The following INPP5J variants were observed in gnomAD, a reference collection of about 807,000 sequenced individuals.
INPP5J encodes the protein phosphatidylinositol 4,5-bisphosphate 5-phosphatase A.
A neutral mutation model predicts 86.6 loss-of-function variants in INPP5J; 75 were observed. The ratio of observed to expected loss-of-function variants is 0.87; its 90% confidence interval spans 0.72 to 1.05. INPP5J has a LOEUF of 1.05. Among genes scored for constraint, INPP5J ranks in the 50% least tolerant of loss-of-function variants. The pLI, the probability that INPP5J is intolerant of heterozygous loss-of-function variation, is 0.00. For missense variants in INPP5J, 1,229 were observed against 1,341.2 expected (o/e 0.92, Z 1.31); for synonymous variants, 540 against 550.0 (o/e 0.98, Z 0.25).
chr22:31,124,757 T>G, intron 1 of INPP5J, 88 bp from the exon 2 acceptor site: 1 of 1,123,788 alleles, frequency 8.9e-7, no homozygotes, highest in South Asian at 1.6e-5. Flanking sequence ...CTTTCTTAGC[T>G]AGATGAACTC....
Position 31,128,587 on chromosome 22 carries a change from G to A in INPP5J, c.2126G>A (p.Ser709Asn). The change falls in exon 9 of 13, where the codon AGC becomes AAC. Residue 709 changes from serine to asparagine, a missense_variant. Coordinates refer to ENST00000331075, the MANE Select transcript of INPP5J (RefSeq NM_001284285.2). ...KSHRLQVTQH[S>N]YRSHMEYTVS... ...CACCGACTCCAGGTGACGCAGCACA[G>A]CTACCGCAGCCACATGGAATACACA... The A allele has an allele frequency of 6.2e-7, 1 of 1,612,844 alleles. No individual in the cohort carries two copies. The highest frequency in any genetic ancestry group is 8.5e-7 in the Non-Finnish European group (1 of 1,179,626).
At position 31,123,128 on chromosome 22, in the gene INPP5J, C is replaced by A. The variant is rs1921013953; in HGVS notation, c.105+9C>A. The A allele has an allele frequency of 1.4e-6, 2 of 1,464,910 alleles. No homozygotes were observed. Among genetic ancestry groups the A allele is most frequent in the African/African-American group, 3.0e-5 (2 of 67,290 alleles). The allele number at this position is 1,464,910 out of a possible 1,614,324, so 90.7% of individuals were successfully genotyped here. On this transcript the variant is annotated intron_variant, in intron 1 of 12. Transcript: ENST00000331075. ...CTGGGGCACCCTCCAAGGTAAGACCCCTGAGACCCAGTGCCCCCCGCTTTC... is the reference window on the plus strand; with the variant it reads ...CTGGGGCACCCTCCAAGGTAAGACCACTGAGACCCAGTGCCCCCCGCTTTC...
chr22:31,122,948 C>A (rs1042896064), upstream of INPP5J: 1 of 1,092,690 alleles, frequency 9.2e-7, no homozygotes, highest in East Asian at 3.2e-5. Flanking sequence ...GATGACATCA[C>A]TGGTTCCCGG....
In INPP5J at chr22:31,125,282, AGCCTCT is replaced by A; in HGVS notation, c.545_550del (p.Ala182_Ser183del). ...CCGTGGGACCCAAGCCAACACTGGC[AGCCTCT>A]GGCCTGAGCCTGGCCCTGGCTTCTG... is the stretch of plus-strand genomic sequence containing the variant. On this transcript the variant is annotated inframe_deletion, in exon 2 of 13. Transcript: ENST00000331075. 1 of 1,550,538 alleles carries A rather than the reference AGCCTCT, an allele frequency of 6.4e-7. No homozygotes were observed. The highest frequency in any genetic ancestry group is 8.7e-7 in the Non-Finnish European group (1 of 1,146,972).
intron 9 of INPP5J, 57 bp downstream of exon 9, chr22:31,128,711 A>T: frequency 7.1e-7 from 1 of 1,416,118 alleles, no homozygotes; most frequent in South Asian, 1.3e-5. Flanking sequence ...TCGGCATACC[A>T]CTGCCCCTCA....
At chr22:31,128,727 A>G in intron 9 of INPP5J, 73 bp downstream of exon 9, 1 of 1,319,860 alleles carries the variant, frequency 7.6e-7, no homozygotes, top group South Asian at 1.4e-5. Context: ...CCTCACCATT[A>G]CCCTTTGTAT....
rs1921673362 is a variant in INPP5J, at chr22:31,128,005, C to G, written c.1842C>G (p.His614Gln). 6.2e-7 allele frequency: 1 copy of G among 1,613,370 alleles called. No homozygotes were observed. Among genetic ancestry groups the G allele is most frequent in the African/African-American group, 1.3e-5 (1 of 74,790 alleles). Residue 614 changes from histidine to glutamine, a missense_variant, in exon 7 of 13, where the codon CAC becomes CAG. Transcript: ENST00000331075. ...LNFRIESYDL[H>Q]FVKFAIDSDQ... Reference sequence around the variant, plus strand: ...TCCGCATTGAGAGCTATGACCTGCACTTTGTCAAGTTTGCCATCGACAGTG... The same window carrying G: ...TCCGCATTGAGAGCTATGACCTGCAGTTTGTCAAGTTTGCCATCGACAGTG...
chr22:31,133,722 G>A lies in INPP5J; in HGVS notation c.2514+8G>A, dbSNP rs367634060. 3 of 1,607,664 alleles carry A rather than the reference G, an allele frequency of 1.9e-6. No individual in the cohort carries two copies. Among genetic ancestry groups the A allele is most frequent in the African/African-American group, 1.3e-5 (1 of 74,818 alleles). On this transcript the variant is annotated splice_region_variant and intron_variant, in intron 12 of 12. Transcript: ENST00000331075. Reference sequence around the variant, plus strand: ...ATCACTGAACCCTTCCAGGTAAGTAGGCCAGACTGCTGGGCTGGGGGTGCC... The same window carrying A: ...ATCACTGAACCCTTCCAGGTAAGTAAGCCAGACTGCTGGGCTGGGGGTGCC...
Position 31,125,098 on chromosome 22 carries a change from C to T in INPP5J, c.359C>T (p.Ala120Val), listed in dbSNP as rs1468600233. The T allele has an allele frequency of 1.3e-6, 2 of 1,549,800 alleles. No homozygotes were observed. The highest frequency in any genetic ancestry group is 1.7e-6 in the Non-Finnish European group (2 of 1,146,994). The change falls in exon 2 of 13, where the codon GCT (alanine) becomes GTT (valine). Residue 120 changes from alanine (A) to valine (V), a missense_variant. Ala to Val is a moderately conservative substitution (Grantham distance 64, BLOSUM62 0). Transcript: ENST00000331075. ...SVGQLVMSAS[A>V]GPKPPPATTG... The stretch of plus-strand genomic sequence containing the variant: ...GGCCAGCTGGTGATGTCTGCCTCAG[C>T]TGGACCAAAGCCTCCCCCAGCGACC...
intron 9 of INPP5J, 113 bp downstream of exon 9, chr22:31,128,767 C>A: frequency 1.1e-6 from 1 of 934,992 alleles, no homozygotes; most frequent in Non-Finnish European, 1.6e-6. Context: ...CAGCAGCATC[C>A]ATTTGTTGTA....
At chr22:31,126,095 T>A (rs1921391675) in intron 2 of INPP5J, 85 bp downstream of exon 2, 7 of 1,256,414 alleles carry the variant, frequency 5.6e-6, no homozygotes, top group South Asian at 4.6e-5. Context: ...GTGCTCTACC[T>A]CAGCTTCTCT....
rs745909028 is a variant in INPP5J at position 31,124,954 on chromosome 22, C to T, written c.215C>T (p.Ser72Leu). ...VGPRAAMSAS[S>L]EGPRLALASP... ...CCACGGGCAGCTATGTCAGCTTCCTCGGAAGGACCGAGGCTGGCTCTGGCA... is the reference window on the plus strand; with the variant it reads ...CCACGGGCAGCTATGTCAGCTTCCTTGGAAGGACCGAGGCTGGCTCTGGCA... Residue 72 changes from serine (S) to leucine (L), a missense_variant, in exon 2 of 13, where the codon TCG becomes TTG. Coordinates refer to ENST00000331075, the MANE Select transcript of INPP5J (RefSeq NM_001284285.2). The T allele has an allele frequency of 9.9e-6, 16 of 1,609,560 alleles. No homozygotes were observed. The highest frequency in any genetic ancestry group is 4.5e-5 in the East Asian group (2 of 44,674).
chr22:31,127,732 C>A, intron 6 of INPP5J, 200 bp downstream of exon 6: 1 of 682,900 alleles, frequency 1.5e-6, no homozygotes, highest in Non-Finnish European at 2.5e-6. Flanking sequence ...GCTGAGGGGC[C>A]CCGCCTTGCT....
Position 31,128,533 on chromosome 22 carries a change from G to A in INPP5J, c.2072G>A (p.Gly691Glu), listed in dbSNP as rs1171488997. The change falls in exon 9 of 13, where the codon GGG (glycine) becomes GAG (glutamate). Residue 691 changes from glycine (G) to glutamate (E), a missense_variant. Coordinates refer to ENST00000331075, the MANE Select transcript of INPP5J (RefSeq NM_001284285.2). ...RILWKVKAPG[G>E]GPSPSGRKSH... ...CTATGGAAGGTCAAGGCTCCAGGTG[G>A]GGGTCCCAGCCCCTCAGGACGGAAG... The A allele has an allele frequency of 6.2e-7, 1 of 1,613,486 alleles. No individual in the cohort carries two copies. Among genetic ancestry groups the A allele is most frequent in the Admixed American group, 1.7e-5 (1 of 60,022 alleles).
chr22:31,131,917 T>C (rs920155751), intron 9 of INPP5J, among the ~76,000 whole-genome samples: 2 of 152,108 alleles, frequency 1.3e-5, no homozygotes, highest in East Asian at 3.9e-4. Context: ...TGAAACTAGG[T>C]AAACAGGGGA....
Position 31,128,036 on chromosome 22 carries a change from C to T in INPP5J, c.1873C>T (p.Leu625Phe). The T allele has an allele frequency of 6.2e-7, 1 of 1,613,188 alleles. No homozygotes were observed. Among genetic ancestry groups the T allele is most frequent in the East Asian group, 2.2e-5 (1 of 44,866 alleles). ...CAAGTTTGCCATCGACAGTGACCAG[C>T]TCCATCAGCTCTGGGAGAAGGACCA... ...FVKFAIDSDQ[L>F]HQLWEKDQLN... Residue 625 changes from leucine (L) to phenylalanine (F), a missense_variant, in exon 7 of 13, where the codon CTC becomes TTC. By Grantham distance (22) the Leu-to-Phe change is conservative. Coordinates refer to ENST00000331075, the MANE Select transcript of INPP5J (RefSeq NM_001284285.2).
At chr22:31,133,260 G>T in intron 10 of INPP5J, 25 bp downstream of exon 10, 1 of 1,604,584 alleles carries the variant, frequency 6.2e-7, no homozygotes, top group South Asian at 1.1e-5. Context: ...GGTGGTCAGC[G>T]ACTCAGGGAA....
At chr22:31,129,175 C>T (rs975246208) in intron 9 of INPP5J, among the ~76,000 whole-genome samples, 13 of 149,182 alleles carry the variant, frequency 8.7e-5, no homozygotes, top group Non-Finnish European at 1.6e-4. Context: ...CCTGATCCAC[C>T]CACCTTGGCC....
At position 31,134,014 on chromosome 22, in the gene INPP5J, G is replaced by C. The variant is rs763469283; in HGVS notation, c.2616G>C (p.Lys872Asn). Residue 872 changes from lysine to asparagine, a missense_variant, in exon 13 of 13, where the codon AAG (lysine) becomes AAC (asparagine). Coordinates refer to ENST00000331075, the MANE Select transcript of INPP5J (RefSeq NM_001284285.2). ...DDSTLELLAP[K>N]SRSPSPGKSK... ...GCACACTGGAGCTCCTTGCACCCAA[G>C]TCCCGCAGCCCCAGTCCTGGCAAGT... The C allele has an allele frequency of 6.2e-7, 1 of 1,610,040 alleles. No individual in the cohort carries two copies. The highest frequency in any genetic ancestry group is 1.1e-5 in the South Asian group (1 of 90,224).
Sources: allele counts gnomAD v4.1 joint callset (sites outside exome capture counted in the v4.1 genomes callset), GRCh38; gene constraint gnomAD v4.1.1; transcripts MANE v1.5; gene names NCBI Gene and HGNC (gene_info 2026-07-23, HGNC 2026-07-21).